PCSK1: variants seen among roughly 807,000 people sequenced by gnomAD.
PCSK1 encodes the protein neuroendocrine convertase 1.
A neutral mutation model predicts 90.6 loss-of-function variants in PCSK1; 56 were observed. The ratio of observed to expected loss-of-function variants is 0.62; its 90% CI spans 0.50 to 0.77. PCSK1 has a LOEUF of 0.77. Ranked by LOEUF, PCSK1 falls within the 30% of genes least tolerant of loss-of-function variation. The pLI is 0.00. For missense variants in PCSK1, 801 were observed against 932.6 expected (o/e 0.86, Z 1.84); for synonymous variants, 348 against 342.4 (o/e 1.02, Z -0.18).
intron 6 of PCSK1, among the ~76,000 whole-genome samples, chr5:96,414,137 TAAA>T (rs564573961): frequency 8.0e-6 from 1 of 124,744 alleles, no homozygotes. Context: ...AGACTCTGTC[TAAA>T]AAAAAAAAAA....
intron 5 of PCSK1, among the ~76,000 whole-genome samples, chr5:96,417,716 C>T (rs1760980346): frequency 6.6e-6 from 1 of 152,078 alleles, no homozygotes; most frequent in Non-Finnish European, 1.5e-5. Context: ...TTTTAAAATC[C>T]CTTTGTTACT....
chr5:96,409,998 C>G (rs1193150933), intron 8 of PCSK1, among the ~76,000 whole-genome samples: 1 of 152,164 alleles, frequency 6.6e-6, no homozygotes, highest in Non-Finnish European at 1.5e-5. Flanking sequence ...TAGATCATGA[C>G]CTGCTATTTC....
intron 5 of PCSK1, among the ~76,000 whole-genome samples, chr5:96,418,068 G>A (rs1198871132): frequency 6.6e-6 from 1 of 152,204 alleles, no homozygotes; most frequent in African/African-American, 2.4e-5. Flanking sequence ...ATGATGCAGT[G>A]TGACAGCACC....
At position 96,433,053 on chromosome 5, in the gene PCSK1, C is replaced by G; in HGVS notation, c.-11G>C. ...GGCTCTTCGCTCCATAGCTCACACA[C>G]TCGCTTGAACAAGAGTGGGAAGGGA... On this transcript the variant is annotated 5_prime_UTR_variant, in exon 1 of 14. Coordinates refer to ENST00000311106, the MANE Select transcript of PCSK1 (RefSeq NM_000439.5). The G allele has an allele frequency of 6.2e-7, 1 of 1,613,478 alleles. No individual in the cohort carries two copies. The highest frequency in any genetic ancestry group is 8.5e-7 in the Non-Finnish European group (1 of 1,179,414).
rs780272842 is a variant in PCSK1 at position 96,429,315 on chromosome 5, A to G, written c.183T>C (p.Ile61=). 7.2e-6 allele frequency: 11 copies of G among 1,517,512 alleles called. No homozygotes were observed. In the Middle Eastern group the frequency reaches 8.6e-4, roughly 118 times the overall value. 94.0% of individuals were successfully genotyped at this position (1,517,512 alleles called of 1,614,324 possible). ...EELGYDLLGQ[I]GSLENHYLFK... is the part of the protein sequence containing the mutation. ...ATAAGTAGTGATTTTCAAGTGAACCAATCTATAAAAGGAAAGAAATAAAAT... is the reference window on the plus strand; with the variant it reads ...ATAAGTAGTGATTTTCAAGTGAACCGATCTATAAAAGGAAAGAAATAAAAT... Residue 61 remains isoleucine (I), a splice_region_variant and synonymous_variant, in exon 2 of 14, where the codon ATT becomes ATC. Transcript: ENST00000311106.
Position 96,393,032 on chromosome 5 carries a change from G to A in PCSK1, c.2231C>T (p.Ala744Val), listed in dbSNP as rs766141480. 1.2e-6 allele frequency: 2 copies of A among 1,614,004 alleles called. No homozygotes were observed. The highest frequency in any genetic ancestry group is 2.7e-5 in the African/African-American group (2 of 74,912). ...YKHRDDRLLQ[A>V]LVDILNEEN ...TTCCTCATTCAGAATGTCCACCAGA[G>A]CTTGAAGCAGCCGGTCGTCTCTGTG... Residue 744 changes from alanine (A) to valine (V), a missense_variant, in exon 14 of 14, where the codon GCT becomes GTT. By Grantham distance (64) the Ala-to-Val change is moderately conservative. Coordinates refer to ENST00000311106, the MANE Select transcript of PCSK1 (RefSeq NM_000439.5).
intron 9 of PCSK1, among the ~76,000 whole-genome samples, chr5:96,402,284 C>T (rs554332363): frequency 4.9e-4 from 74 of 152,318 alleles, no homozygotes; most frequent in South Asian, 8.3e-4. Flanking sequence ...GGGAAGCTGC[C>T]CTCCCCATGC....
intron 4 of PCSK1, 36 bp from the exon 5 acceptor site, chr5:96,421,992 TTAA>T: frequency 2.6e-6 from 1 of 388,366 alleles, no homozygotes; most frequent in Non-Finnish European, 4.1e-6. Flanking sequence ...TGTGGCAGCA[TTAA>T]AAAAAAAAAA....
chr5:96,415,120 GGA>G (rs986325887), intron 6 of PCSK1, among the ~76,000 whole-genome samples: 39 of 152,196 alleles, frequency 2.6e-4, no homozygotes, highest in African/African-American at 9.4e-4. Flanking sequence ...AGCATAAAGA[GGA>G]GAGACAGTTT....
chr5:96,414,551 A>T (rs1760881437), intron 6 of PCSK1, among the ~76,000 whole-genome samples: 2 of 152,198 alleles, frequency 1.3e-5, no homozygotes, highest in Admixed American at 6.5e-5. Flanking sequence ...ATAAATGAAG[A>T]TTATTGGTAA....
At chr5:96,425,069 A>G (rs190753185) in intron 3 of PCSK1, among the ~76,000 whole-genome samples, 79 of 147,788 alleles carry the variant, frequency 5.3e-4, no homozygotes, top group Admixed American at 2.7e-4. Flanking sequence ...AGAAAGAAAG[A>G]AAGAAAACGT....
rs1561363175 is a variant in PCSK1 at position 96,397,489 on chromosome 5, T to C, written c.1589-20A>G. 1 of 1,607,036 alleles carries C rather than the reference T, an allele frequency of 6.2e-7. No homozygotes were observed. Among genetic ancestry groups the C allele is most frequent in the Non-Finnish European group, 8.5e-7 (1 of 1,173,606 alleles). On this transcript the variant is annotated intron_variant, in intron 11 of 13. Coordinates refer to ENST00000311106, the MANE Select transcript of PCSK1 (RefSeq NM_000439.5). ...TAGTTCCTATGAAACAAATACAAGT[T>C]AATGAATGTCCTAATAGCTCTGATA... is the stretch of plus-strand genomic sequence containing the variant.
intron 4 of PCSK1, among the ~76,000 whole-genome samples, chr5:96,422,577 T>A (rs1761162967): frequency 6.6e-6 from 1 of 152,236 alleles, no homozygotes; most frequent in South Asian, 2.1e-4. Flanking sequence ...TTTCCGTATA[T>A]TTCAATCATT....
chr5:96,418,370 C>T (rs1038809899), intron 5 of PCSK1, among the ~76,000 whole-genome samples: 6 of 152,160 alleles, frequency 3.9e-5, no homozygotes, highest in African/African-American at 1.2e-4. Context: ...AGTTTAAATA[C>T]TACCCTTATT....
At chr5:96,426,644 G>C (rs1402991868) in intron 2 of PCSK1, among the ~76,000 whole-genome samples, 1 of 152,082 alleles carries the variant, frequency 6.6e-6, no homozygotes, top group African/African-American at 2.4e-5. Flanking sequence ...AGAGTGAGGG[G>C]CTGCCTTGTA....
chr5:96,401,620 A>G (rs771826149), intron 9 of PCSK1, among the ~76,000 whole-genome samples: 15 of 152,228 alleles, frequency 9.9e-5, no homozygotes, highest in Non-Finnish European at 1.2e-4. Context: ...TGATCAGCCT[A>G]TTTAAAATTT....
rs111348680 is a variant in PCSK1, at chr5:96,407,182, T to A, written c.1196+1041A>T. Among the ~76,000 whole-genome samples, 531 of 152,268 alleles carry A rather than the reference T, an allele frequency of 3.5e-3. 2 individuals are homozygous for A. The highest frequency in any genetic ancestry group is 0.012 in the African/African-American group (511 of 41,554). ...CCTTAAAGAAACAGACTGACAAACA[T>A]AACTACATACATATTAACTACATTT... is the stretch of plus-strand genomic sequence containing the variant. On this transcript the variant is annotated intron_variant, in intron 9 of 13. Transcript: ENST00000311106.
chr5:96,422,645 G>T (rs1761164616), intron 4 of PCSK1, among the ~76,000 whole-genome samples: 1 of 152,042 alleles, frequency 6.6e-6, no homozygotes, highest in Admixed American at 6.6e-5. Flanking sequence ...TCTTTAGCTT[G>T]GTGTTATAGC....
chr5:96,421,800 G>A, intron 5 of PCSK1, 80 bp downstream of exon 5: 1 of 834,554 alleles, frequency 1.2e-6, no homozygotes, highest in East Asian at 2.4e-5. Flanking sequence ...GAATGTGGAT[G>A]AAATATATGG....
Sources: allele counts gnomAD v4.1 joint callset (sites outside exome capture counted in the v4.1 genomes callset), GRCh38; gene constraint gnomAD v4.1.1; transcripts MANE v1.5; gene names NCBI Gene and HGNC (gene_info 2026-07-23, HGNC 2026-07-21).